The following FRMD4B variants were observed in gnomAD, a reference collection of about 807,000 sequenced individuals.
The protein encoded by FRMD4B is FERM domain containing 4B.
In FRMD4B, 74 loss-of-function variants were observed where a neutral mutation model predicts 141.5. The ratio of observed to expected loss-of-function variants is 0.52; its 90% CI spans 0.43 to 0.63. The LOEUF (loss-of-function observed/expected upper bound fraction) is 0.63, where lower values mean the gene tolerates loss of function less well. FRMD4B is among the 30% of genes least tolerant of loss of function. The pLI is 0.00. For synonymous variants in FRMD4B, 506 were observed against 467.9 expected (o/e 1.08, Z -1.05); for missense variants, 1,366 against 1,253.4 (o/e 1.09, Z -1.36).
chr3:69,176,691 G>A (rs2092649947), intron 21 of FRMD4B, 35 bp from the exon 22 acceptor site: 2 of 1,491,854 alleles, frequency 1.3e-6, no homozygotes, highest in African/African-American at 2.8e-5. Context: ...AAAATTAATG[G>A]AAATATTAAA....
chr3:69,190,632 C>G (rs797012519), intron 17 of FRMD4B, among the ~76,000 whole-genome samples: 33 of 152,252 alleles, frequency 2.2e-4, no homozygotes, highest in African/African-American at 7.5e-4. Flanking sequence ...CCAGGCTGGT[C>G]TTGAACTCCT....
chr3:69,359,147 T>G (rs1275404837), intron 1 of FRMD4B, among the ~76,000 whole-genome samples: 1 of 152,088 alleles, frequency 6.6e-6, no homozygotes, highest in Non-Finnish European at 1.5e-5. Flanking sequence ...GAGGGTGGCA[T>G]GAAACAAAAA....
intron 4 of FRMD4B, among the ~76,000 whole-genome samples, chr3:69,301,848 T>A (rs1030404535): frequency 5.9e-5 from 9 of 152,256 alleles, no homozygotes; most frequent in Admixed American, 3.9e-4. Context: ...ATCCCTGTAC[T>A]GTTAATTCTT....
chr3:69,356,643 C>CAT (rs56883146), intron 1 of FRMD4B, among the ~76,000 whole-genome samples: 6,440 of 147,944 alleles, frequency 0.044, 281 homozygotes, highest in African/African-American at 0.11. Context: ...AATATATATA[C>CAT]ATATATATAT....
intron 11 of FRMD4B, among the ~76,000 whole-genome samples, chr3:69,213,298 C>T (rs557178185): frequency 2.8e-3 from 416 of 150,840 alleles, no homozygotes; most frequent in Admixed American, 5.7e-3. Flanking sequence ...ACTTCTTCCC[C>T]TAAAGCATTT....
Position 69,171,931 on chromosome 3 carries a change from T to G in FRMD4B, c.3035A>C (p.Glu1012Ala). ...QLDGTDGNQL[E>A]DNLESSEQRL... ...CTGCTCACTACTCTCCAGGTTGTCT[T>G]CCAGCTGGTTTCCATCTGTACCATC... is the stretch of plus-strand genomic sequence containing the variant. Residue 1012 changes from glutamate to alanine, a missense_variant, in exon 23 of 23, where the codon GAA becomes GCA. Physicochemically the swap from Glu to Ala is moderately radical, Grantham distance 107. Coordinates refer to ENST00000398540, the MANE Select transcript of FRMD4B (RefSeq NM_015123.3). The G allele has an allele frequency of 1.2e-6, 2 of 1,612,650 alleles. No homozygotes were observed. Among genetic ancestry groups the G allele is most frequent in the Non-Finnish European group, 1.7e-6 (2 of 1,178,630 alleles).
At chr3:69,479,745 T>C (rs374889013) in intron 1 of FRMD4B, among the ~76,000 whole-genome samples, 1 of 152,218 alleles carries the variant, frequency 6.6e-6, no homozygotes, top group African/African-American at 2.4e-5. Flanking sequence ...TGAATCTGAA[T>C]GTTGGCCTGC....
intron 2 of FRMD4B, among the ~76,000 whole-genome samples, chr3:69,416,133 G>A (rs1424410837): frequency 2.0e-5 from 3 of 152,326 alleles, no homozygotes; most frequent in Middle Eastern, 3.4e-3. Flanking sequence ...AACAGGTACT[G>A]TTTTGCACGT....
intron 19 of FRMD4B, among the ~76,000 whole-genome samples, chr3:69,186,724 A>G (rs562714122): frequency 6.6e-6 from 1 of 152,318 alleles, no homozygotes; most frequent in South Asian, 2.1e-4. Context: ...AAATTTGTAG[A>G]GATGGGGCTT....
chr3:69,289,003 G>A (rs149641170), intron 4 of FRMD4B, among the ~76,000 whole-genome samples: 4 of 152,310 alleles, frequency 2.6e-5, no homozygotes, highest in Non-Finnish European at 5.9e-5. Context: ...AGTCATCAAC[G>A]GAAGTTCCAG....
chr3:69,341,385 A>G (rs529532298), intron 1 of FRMD4B, among the ~76,000 whole-genome samples: 1 of 152,358 alleles, frequency 6.6e-6, no homozygotes, highest in Non-Finnish European at 1.5e-5. Flanking sequence ...CCTTACTCTC[A>G]ACTCAACACA....
At position 69,293,880 on chromosome 3, in the gene FRMD4B, C is replaced by CAAAAAAA. The variant is rs10699871; in HGVS notation, c.417-6051_417-6045dup. ...TGGGTGACAGAGCTAGATTCTGCCT[C>CAAAAAAA]AAAAAAAAAAAAAAAAAAAAAAAAA... On this transcript the variant is annotated intron_variant, in intron 4 of 22. Transcript: ENST00000398540. 1.3e-3 allele frequency among the ~76,000 whole-genome samples: 98 copies of CAAAAAAA among 74,444 alleles called. 1 individual carries two copies. The highest frequency in any genetic ancestry group is 0.01 in the Middle Eastern group (1 of 96). 48.8% of individuals were successfully genotyped at this position (74,444 alleles called of 152,430 possible). A position where few individuals can be genotyped will look rare whatever the true frequency, so the allele number is the denominator to read the frequency against.
chr3:69,271,803 T>C (rs1487929586), intron 5 of FRMD4B, among the ~76,000 whole-genome samples: 1 of 151,948 alleles, frequency 6.6e-6, no homozygotes, highest in Admixed American at 6.6e-5. Context: ...TGAAACCCCA[T>C]CTCTACCAAA....
At chr3:69,198,900 G>C (rs1261194861) in intron 11 of FRMD4B, 126 bp from the exon 12 acceptor site, 2 of 633,634 alleles carry the variant, frequency 3.2e-6, no homozygotes, top group East Asian at 2.7e-5. Context: ...ACATGAATAT[G>C]TGATTCAGCC....
chr3:69,420,411 C>G lies in FRMD4B; in HGVS notation c.-1+12223G>C, dbSNP rs116628976. ...GATCAGATTTATTTCTCACCAATAG[C>G]CCTACAAAGTAAGCGTTTTAACACT... On this transcript the variant is annotated intron_variant, in intron 2 of 5. Coordinates refer to the FRMD4B transcript ENST00000459638. Among the ~76,000 whole-genome samples the G allele has an allele frequency of 4.5e-3, 680 of 152,128 alleles. 10 individuals are homozygous for G. The highest frequency in any genetic ancestry group is 0.016 in the African/African-American group (650 of 41,502).
At chr3:69,311,708 T>C (rs1488144438) in intron 2 of FRMD4B, among the ~76,000 whole-genome samples, 1 of 152,188 alleles carries the variant, frequency 6.6e-6, no homozygotes, top group Non-Finnish European at 1.5e-5. Context: ...ATTAAACACC[T>C]TGCTGCTTGG....
At chr3:69,428,002 C>A (rs1028977035) in intron 2 of FRMD4B, among the ~76,000 whole-genome samples, 4 of 152,044 alleles carry the variant, frequency 2.6e-5, no homozygotes, top group Admixed American at 2.0e-4. Context: ...CAGTTAGAGA[C>A]AAATCATTTA....
chr3:69,438,126 T>G (rs1221796574), intron 1 of FRMD4B, among the ~76,000 whole-genome samples: 1 of 149,740 alleles, frequency 6.7e-6, no homozygotes, highest in Non-Finnish European at 1.5e-5. Context: ...ACTGTCAAGA[T>G]AGGGTCTCGC....
At chr3:69,351,704 C>A (rs1231673994) in intron 1 of FRMD4B, among the ~76,000 whole-genome samples, 1 of 152,192 alleles carries the variant, frequency 6.6e-6, no homozygotes, top group East Asian at 1.9e-4. Context: ...AAAGGGTGGA[C>A]AGAGCATAGA....
Sources: gnomAD v4.1 joint callset for allele counts (sites outside exome capture counted in the v4.1 genomes callset) on GRCh38, gnomAD v4.1.1 for gene constraint, MANE v1.5 for transcripts, NCBI Gene and HGNC (gene_info 2026-07-23, HGNC 2026-07-21) for gene names.